Variants in PLEKHA5 observed in about 807,000 individuals in gnomAD.
PLEKHA5 encodes the protein pleckstrin homology domain containing A5.
A neutral mutation model predicts 181.9 loss-of-function variants in PLEKHA5; 55 were observed. That is an observed-to-expected ratio of 0.30 (90% CI 0.24 to 0.38). The LOEUF (loss-of-function observed/expected upper bound fraction) is 0.38, where lower values mean the gene tolerates loss of function less well. Ranked by LOEUF, PLEKHA5 falls within the 10% of genes least tolerant of loss-of-function variation. The pLI is 1.00. For synonymous variants in PLEKHA5, 535 were observed against 529.4 expected, an observed-to-expected ratio of 1.01 and a Z score of -0.15; for missense variants, 1,432 against 1,549.5, an observed-to-expected ratio of 0.92 and a Z score of 1.27.
At chr12:19,164,172 C>T (rs1258250319) in intron 3 of PLEKHA5, among the ~76,000 whole-genome samples, 4 of 151,038 alleles carry the variant, frequency 2.6e-5, no homozygotes, top group Non-Finnish European at 5.9e-5. Context: ...ATATTTTCCC[C>T]ACTTCTTGCT....
intron 13 of PLEKHA5, among the ~76,000 whole-genome samples, chr12:19,290,077 G>A (rs1475399058): frequency 6.6e-6 from 1 of 151,884 alleles, no homozygotes; most frequent in African/African-American, 2.4e-5. Context: ...CGAGTAGCTG[G>A]GATTACAGTT....
At position 19,189,666 on chromosome 12, in the gene PLEKHA5, T is replaced by G. The variant is rs539153477; in HGVS notation, c.227+57216T>G. Among the ~76,000 whole-genome samples, 3 of 152,224 alleles carry G rather than the reference T, an allele frequency of 2.0e-5. No homozygotes were observed. The South Asian group carries it at 6.2e-4, about 32-fold the overall frequency. On this transcript the variant is annotated intron_variant, in intron 3 of 31. Coordinates refer to ENST00000429027, the MANE Select transcript of PLEKHA5 (RefSeq NM_001256470.2). ...GAAGTTTGGTATACCAGTCTGCAAC[T>G]CAGGAATGGGTTAGGAAAATAAATT... is the stretch of plus-strand genomic sequence containing the variant.
intron 3 of PLEKHA5, among the ~76,000 whole-genome samples, chr12:19,192,525 C>T (rs1422561945): frequency 6.6e-6 from 1 of 151,978 alleles, no homozygotes; most frequent in African/African-American, 2.4e-5. Context: ...TGGTTGAAAC[C>T]CCGTCTCTAC....
chr12:19,287,794 T>C (rs2077531000), intron 13 of PLEKHA5, among the ~76,000 whole-genome samples: 1 of 152,136 alleles, frequency 6.6e-6, no homozygotes, highest in Non-Finnish European at 1.5e-5. Context: ...TTTGAAACTT[T>C]ATGGCCGGGC....
chr12:19,351,296 G>A (rs991967549), intron 25 of PLEKHA5, among the ~76,000 whole-genome samples: 8 of 152,102 alleles, frequency 5.3e-5, no homozygotes, highest in African/African-American at 1.9e-4. Flanking sequence ...CAGCACTTTG[G>A]GAGGCCGAAG....
chr12:19,279,077 T>G (rs115223142), intron 11 of PLEKHA5, among the ~76,000 whole-genome samples: 236 of 152,290 alleles, frequency 1.5e-3, no homozygotes, highest in African/African-American at 5.5e-3. Context: ...GATCCCAGTT[T>G]CAGTTGGCCA....
chr12:19,276,081 G>A (rs1202508254), intron 11 of PLEKHA5, among the ~76,000 whole-genome samples: 1 of 152,150 alleles, frequency 6.6e-6, no homozygotes, highest in Non-Finnish European at 1.5e-5. Context: ...AACACAAGCA[G>A]TGATACGAAG....
rs2033598105 is a variant in PLEKHA5 at position 19,130,911 on chromosome 12, C to T, written c.169+781C>T. ...GCGGTGGGCGTGCGAGGGGGTGTCC[C>T]GTATGGGGGCACCCGGGCCCTGTTT... is the stretch of plus-strand genomic sequence containing the variant. On this transcript the variant is annotated intron_variant, in intron 2 of 31. Coordinates refer to ENST00000429027, the MANE Select transcript of PLEKHA5 (RefSeq NM_001256470.2). This position sits in a 1 kb window ranked among gnomAD's most constrained non-coding sequence, Gnocchi z 4.5. 6.6e-6 allele frequency: 1 copy of T among 152,172 alleles called. No individual in the cohort carries two copies. The highest frequency in any genetic ancestry group is 2.4e-5 in the African/African-American group (1 of 41,398). 9.4% of individuals were successfully genotyped at this position (152,172 alleles called of 1,614,324 possible).
chr12:19,168,597 C>A (rs140876527), intron 3 of PLEKHA5, among the ~76,000 whole-genome samples: 346 of 152,188 alleles, frequency 2.3e-3, no homozygotes, highest in Non-Finnish European at 3.8e-3. Context: ...ACTTAAAATT[C>A]TGCACCTTCC....
chr12:19,376,163 CAA>C lies in PLEKHA5; in HGVS notation c.*646_*647del, dbSNP rs2095702991. ...TATCTTTTCTTAAAAAAAAAAAAAA[CAA>C]AGTGTAGGTATTTTGAAGTACTGGG... On this transcript the variant is annotated 3_prime_UTR_variant, in exon 32 of 32. Transcript: ENST00000429027. The C allele has an allele frequency of 7.0e-6, 1 of 142,780 alleles. No homozygotes were observed. Among genetic ancestry groups the C allele is most frequent in the African/African-American group, 2.6e-5 (1 of 38,800 alleles). 8.8% of individuals were successfully genotyped at this position (142,780 alleles called of 1,614,324 possible). A position where few individuals can be genotyped will look rare whatever the true frequency, so the allele number is the denominator to read the frequency against.
At chr12:19,264,210 A>G (rs982745499) in intron 7 of PLEKHA5, among the ~76,000 whole-genome samples, 4 of 152,068 alleles carry the variant, frequency 2.6e-5, no homozygotes, top group Admixed American at 2.6e-4. Context: ...CCTCAATTTT[A>G]TAGATGATAA....
intron 13 of PLEKHA5, among the ~76,000 whole-genome samples, chr12:19,288,597 TG>T (rs2077737519): frequency 6.6e-6 from 1 of 152,246 alleles, no homozygotes; most frequent in South Asian, 2.1e-4. Context: ...TTATGTGTTT[TG>T]TAAAAACATT....
intron 24 of PLEKHA5, 77 bp from the exon 25 acceptor site, chr12:19,348,322 T>C (rs74672214): frequency 0.039 from 41,931 of 1,080,722 alleles, 1,752 homozygotes; most frequent in East Asian, 0.2. Context: ...TAGAGTTTGA[T>C]TTGTGTCTTT....
At chr12:19,349,842 G>A (rs1350291762) in intron 25 of PLEKHA5, among the ~76,000 whole-genome samples, 1 of 152,106 alleles carries the variant, frequency 6.6e-6, no homozygotes, top group Non-Finnish European at 1.5e-5. Context: ...GCTGGGCACG[G>A]TGGCTCACTC....
intron 31 of PLEKHA5, chr12:19,371,789 T>A (rs2095582841): frequency 6.6e-6 from 1 of 152,274 alleles, no homozygotes; most frequent in Non-Finnish European, 1.5e-5. Flanking sequence ...CATGTATCTT[T>A]TTTATGTAAT....
chr12:19,306,059 G>C (rs1339887017), intron 15 of PLEKHA5, among the ~76,000 whole-genome samples: 1 of 151,322 alleles, frequency 6.6e-6, no homozygotes, highest in Non-Finnish European at 1.5e-5. Flanking sequence ...CAGCCCAGGC[G>C]ACAATCCGAT....
intron 21 of PLEKHA5, among the ~76,000 whole-genome samples, chr12:19,342,649 G>T (rs564046145): frequency 1.3e-5 from 2 of 152,060 alleles, no homozygotes; most frequent in East Asian, 1.9e-4. Context: ...GGCATAGCAC[G>T]TGCCGTAATC....
intron 15 of PLEKHA5, chr12:19,306,299 A>AT (rs2083507045): frequency 2.7e-6 from 1 of 369,918 alleles, no homozygotes. Context: ...GCTAGAGTTA[A>AT]TTATGAAAAT....
chr12:19,156,894 C>A (rs1240055699), intron 3 of PLEKHA5, among the ~76,000 whole-genome samples: 3 of 61,100 alleles, frequency 4.9e-5, no homozygotes, highest in African/African-American at 1.3e-4. Context: ...ACAAAAAATA[C>A]CAAAAAAAAA....
Sources: gnomAD v4.1 joint callset for allele counts (sites outside exome capture counted in the v4.1 genomes callset) on GRCh38, gnomAD v4.1.1 for gene constraint, Gnocchi (gnomAD v3.1) non-coding constraint, MANE v1.5 for transcripts, NCBI Gene and HGNC (gene_info 2026-07-23, HGNC 2026-07-21) for gene names.